Variants in FUT8 observed in about 807,000 individuals in gnomAD.
FUT8 encodes the protein alpha-(1,6)-fucosyltransferase.
A neutral mutation model predicts 71.3 loss-of-function variants in FUT8; 29 were observed. That is an observed-to-expected ratio of 0.41 (90% CI 0.30 to 0.55). The LOEUF is 0.55. FUT8 is among the 20% of genes least tolerant of loss of function. The probability of loss-of-function intolerance (pLI) is 0.34; values close to 1 mark genes in which losing one functional copy is unlikely to be tolerated. For synonymous variants in FUT8, 254 were observed against 239.3 expected (o/e 1.06, Z -0.57); for missense variants, 544 against 702.1 (o/e 0.77, Z 2.55).
intron 10 of FUT8, among the ~76,000 whole-genome samples, chr14:65,740,086 T>C (rs1233086571): frequency 6.6e-6 from 1 of 152,074 alleles, no homozygotes; most frequent in African/African-American, 2.4e-5. Flanking sequence ...AGCCTTTGGC[T>C]GAATTTGAAA....
chr14:65,688,506 G>C (rs904796447), intron 7 of FUT8, among the ~76,000 whole-genome samples: 1 of 128,648 alleles, frequency 7.8e-6, no homozygotes, highest in African/African-American at 3.1e-5. Flanking sequence ...TGCTGGAACT[G>C]GACATCCACA....
At chr14:65,561,943 C>T (rs569480603) in intron 3 of FUT8, among the ~76,000 whole-genome samples, 177 bp downstream of exon 3, 1 of 152,216 alleles carries the variant, frequency 6.6e-6, no homozygotes, top group African/African-American at 2.4e-5. Context: ...CTTGTCCAAC[C>T]CACAGCCCAT....
chr14:65,725,421 C>T (rs935869070), intron 9 of FUT8, among the ~76,000 whole-genome samples: 1 of 152,218 alleles, frequency 6.6e-6, no homozygotes, highest in East Asian at 1.9e-4. Flanking sequence ...CCTGATTGGA[C>T]ACTTCTTATA....
In FUT8 at chr14:65,607,706, C is replaced by G. The variant is rs909598819; in HGVS notation, c.204-8272C>G. ...CAGGAATGGAATTTTAGAATTTCCT[C>G]TCTTTTTATATTTCCTAGATTTTGA... On this transcript the variant is annotated intron_variant, in intron 3 of 10. Transcript: ENST00000673929. The surrounding 1 kb of genome is among the most constrained non-coding windows in gnomAD (Gnocchi z 4.1). Among the ~76,000 whole-genome samples, 2 of 151,720 alleles carry G rather than the reference C, an allele frequency of 1.3e-5. No individual in the cohort carries two copies. Among genetic ancestry groups the G allele is most frequent in the Non-Finnish European group, 2.9e-5 (2 of 67,898 alleles).
chr14:65,362,527 A>G, the FUT8 span, among the ~76,000 whole-genome samples: 1 of 152,138 alleles, frequency 6.6e-6, no homozygotes, highest in Non-Finnish European at 1.5e-5. Context: ...ACAAACAAAC[A>G]AACAAACAAA....
In FUT8 at chr14:65,742,632, T is replaced by C. The variant is rs554100037; in HGVS notation, c.*222T>C. 2.0e-5 allele frequency: 10 copies of C among 503,286 alleles called. No homozygotes were observed. Among genetic ancestry groups the C allele is most frequent in the African/African-American group, 1.7e-4 (9 of 52,610 alleles). 31.2% of individuals were successfully genotyped at this position (503,286 alleles called of 1,614,324 possible). On this transcript the variant is annotated 3_prime_UTR_variant, in exon 11 of 11. Transcript: ENST00000673929. The stretch of plus-strand genomic sequence containing the variant: ...GCCCTCATACCCATGCACAGTACAA[T>C]AATGTACTCACATATAACATGCAAA...
intron 1 of FUT8, among the ~76,000 whole-genome samples, chr14:65,417,517 TG>T (rs778078676): frequency 1.3e-5 from 2 of 152,182 alleles, no homozygotes; most frequent in Non-Finnish European, 2.9e-5. Flanking sequence ...ATGGGACCTA[TG>T]GAATTATGCC....
At chr14:65,530,987 T>TA (rs1042237514) in intron 2 of FUT8, among the ~76,000 whole-genome samples, 1 of 147,358 alleles carries the variant, frequency 6.8e-6, no homozygotes, top group African/African-American at 2.5e-5. Context: ...TTTTTACCAA[T>TA]AAAAAAATTG....
chr14:65,522,720 C>G (rs1295948133), intron 2 of FUT8, among the ~76,000 whole-genome samples: 2 of 131,612 alleles, frequency 1.5e-5, no homozygotes, highest in Admixed American at 1.6e-4. Context: ...TATCCCTCCC[C>G]CCTCCCCCCA....
intron 2 of FUT8, among the ~76,000 whole-genome samples, chr14:65,469,160 CA>C (rs1057157458): frequency 2.0e-5 from 3 of 152,092 alleles, no homozygotes; most frequent in Non-Finnish European, 4.4e-5. Flanking sequence ...GACTGGGTAA[CA>C]GTGAGACCCT....
intron 2 of FUT8, among the ~76,000 whole-genome samples, chr14:65,527,120 G>A (rs571462967): frequency 2.4e-4 from 36 of 152,216 alleles, no homozygotes; most frequent in South Asian, 8.3e-4. Context: ...GCCTTGCTAG[G>A]TTGGGGAAGT....
chr14:65,532,644 T>C (rs907174507), intron 2 of FUT8, among the ~76,000 whole-genome samples: 1 of 152,254 alleles, frequency 6.6e-6, no homozygotes, highest in South Asian at 2.1e-4. Flanking sequence ...TTTAGTTTAA[T>C]GAGATCCCAT....
chr14:65,468,829 C>G (rs2066089081), intron 2 of FUT8, among the ~76,000 whole-genome samples: 1 of 152,062 alleles, frequency 6.6e-6, no homozygotes, highest in Non-Finnish European at 1.5e-5. Context: ...GGATCTCACT[C>G]TGTCACCCTG....
intron 1 of FUT8, among the ~76,000 whole-genome samples, chr14:65,420,071 A>G (rs926543076): frequency 2.6e-5 from 4 of 152,146 alleles, no homozygotes; most frequent in African/African-American, 7.2e-5. Context: ...AAAGATGTAT[A>G]CCTACTGAGG....
intron 2 of FUT8, among the ~76,000 whole-genome samples, chr14:65,537,352 ATTATT>A (rs1163047701): frequency 6.6e-6 from 1 of 151,530 alleles, no homozygotes; most frequent in Non-Finnish European, 1.5e-5. Flanking sequence ...TGGAGTTTTT[ATTATT>A]ATTACTATTA....
chr14:65,475,051 A>G (rs1038697858), intron 2 of FUT8, among the ~76,000 whole-genome samples: 7 of 152,186 alleles, frequency 4.6e-5, no homozygotes, highest in Non-Finnish European at 7.4e-5. Context: ...TATGGAATCT[A>G]AAGTTATGCA....
chr14:65,481,320 A>G (rs1191757983), intron 2 of FUT8, among the ~76,000 whole-genome samples: 1 of 152,124 alleles, frequency 6.6e-6, no homozygotes, highest in Admixed American at 6.6e-5. Flanking sequence ...GTTGAGTTTT[A>G]GGGATACTTT....
chr14:65,737,736 G>C (rs1896286220), intron 10 of FUT8, among the ~76,000 whole-genome samples: 2 of 152,078 alleles, frequency 1.3e-5, no homozygotes. Context: ...TTACTCTGTA[G>C]TTTCAGCCAT....
At chr14:65,367,675 G>A in the FUT8 span, among the ~76,000 whole-genome samples, 3 of 152,180 alleles carry the variant, frequency 2.0e-5, no homozygotes, top group Non-Finnish European at 4.4e-5. Flanking sequence ...AATCTTTAGA[G>A]ATGCAAATCT....
Sources: allele counts gnomAD v4.1 joint callset (sites outside exome capture counted in the v4.1 genomes callset), GRCh38; gene constraint gnomAD v4.1.1; non-coding constraint Gnocchi (gnomAD v3.1); transcripts MANE v1.5; gene names NCBI Gene and HGNC (gene_info 2026-07-23, HGNC 2026-07-21).